Variants in NEGR1 observed in about 807,000 individuals in gnomAD.
NEGR1 encodes IgLON family member 4.
Under a neutral mutation model 40.9 loss-of-function variants are expected in NEGR1, and 10 were observed. The ratio of observed to expected loss-of-function variants is 0.24; its 90% confidence interval spans 0.15 to 0.42. The LOEUF (loss-of-function observed/expected upper bound fraction) is 0.42. NEGR1 is among the 10% of genes least tolerant of loss of function. NEGR1 has a pLI of 1.00. For synonymous variants in NEGR1, 185 were observed against 166.8 expected (o/e 1.11, Z -0.84); for missense variants, 352 against 438.9 (o/e 0.80, Z 1.77).
chr1:72,189,686 T>C (rs2298151), intron 1 of NEGR1, among the ~76,000 whole-genome samples: 31,344 of 151,410 alleles, frequency 0.21, 3,761 homozygotes, highest in South Asian at 0.28. Context: ...CATAAGAAGA[T>C]AGAGGTTAAG....
Position 71,884,755 on chromosome 1 carries a change from C to CA in NEGR1, c.409+50323dup, listed in dbSNP as rs1467731587. ...AGTTTAATGATTCTTCAGAATGAGA[C>CA]AAAAAAACCTATCAACAGGCAATTG... On this transcript the variant is annotated intron_variant, in intron 2 of 6. Transcript: ENST00000357731. Among the ~76,000 whole-genome samples, 7 of 152,186 alleles carry CA rather than the reference C, an allele frequency of 4.6e-5. 1 individual carries two copies. The highest frequency in any genetic ancestry group is 4.2e-4 in the South Asian group (2 of 4,812).
intron 5 of NEGR1, among the ~76,000 whole-genome samples, chr1:71,597,472 C>CTCTCTGTGTG (rs756076229): frequency 1.4e-3 from 44 of 31,330 alleles, no homozygotes; most frequent in African/African-American, 4.0e-3. Context: ...CTCTCTCTCT[C>CTCTCTGTGTG]TGTGTGTGTG....
At chr1:71,433,348 T>G (rs1426441952) in intron 6 of NEGR1, among the ~76,000 whole-genome samples, 1 of 152,206 alleles carries the variant, frequency 6.6e-6, no homozygotes, top group Admixed American at 6.5e-5. Context: ...TAGGGCATTG[T>G]TTTTAAGGAA....
chr1:71,694,716 A>T (rs1003451200), intron 4 of NEGR1, among the ~76,000 whole-genome samples: 1 of 151,822 alleles, frequency 6.6e-6, no homozygotes, highest in African/African-American at 2.4e-5. Flanking sequence ...TCTAAATTTC[A>T]GGGAACCTAA....
rs1646239005 is a variant in NEGR1 at position 71,400,410 on chromosome 1, C to T, written c.*7036G>A. ...TCTTACTGTTTTTGATATAAAATTC[C>T]TGTTATACCATGAATTAAATGCCCC... On this transcript the variant is annotated 3_prime_UTR_variant, in exon 7 of 7. Transcript: ENST00000357731. 2.6e-5 allele frequency: 4 copies of T among 151,582 alleles called. No homozygotes were observed. Among genetic ancestry groups the T allele is most frequent in the Admixed American group, 2.6e-4 (4 of 15,230 alleles). 9.4% of individuals were successfully genotyped at this position (151,582 alleles called of 1,614,324 possible).
chr1:71,775,638 G>A (rs1179500920), intron 3 of NEGR1, among the ~76,000 whole-genome samples: 5 of 151,524 alleles, frequency 3.3e-5, no homozygotes, highest in Non-Finnish European at 7.4e-5. Context: ...GAGCCACTGC[G>A]CCCAGCCCAT....
At chr1:71,692,692 A>G (rs557416817) in intron 4 of NEGR1, among the ~76,000 whole-genome samples, 2 of 151,808 alleles carry the variant, frequency 1.3e-5, no homozygotes, top group African/African-American at 2.4e-5. Context: ...ACTAAGTTAT[A>G]CTAATTGGAA....
intron 6 of NEGR1, among the ~76,000 whole-genome samples, chr1:71,541,247 C>G (rs1647695416): frequency 6.6e-6 from 1 of 151,530 alleles, no homozygotes; most frequent in Admixed American, 6.6e-5. Flanking sequence ...GATGAGAGAT[C>G]TAGCACAGTG....
At chr1:71,989,464 C>T (rs552893197) in intron 1 of NEGR1, among the ~76,000 whole-genome samples, 1 of 152,248 alleles carries the variant, frequency 6.6e-6, no homozygotes, top group East Asian at 1.9e-4. Context: ...TCTGATCAAT[C>T]CAGCAACTGC....
intron 1 of NEGR1, among the ~76,000 whole-genome samples, chr1:72,247,763 T>G (rs902200870): frequency 6.6e-6 from 1 of 152,200 alleles, no homozygotes; most frequent in African/African-American, 2.4e-5. Context: ...CTTTACATTA[T>G]TGTCCCACCT....
At chr1:71,887,992 GAC>G (rs57794150) in intron 2 of NEGR1, among the ~76,000 whole-genome samples, 51,349 of 137,780 alleles carry the variant, frequency 0.37, 9,476 homozygotes, top group South Asian at 0.48. Context: ...CTTTTGAAAG[GAC>G]ACACACACAC....
chr1:72,228,855 A>G (rs1029485917), intron 1 of NEGR1, among the ~76,000 whole-genome samples: 27 of 152,156 alleles, frequency 1.8e-4, no homozygotes, highest in African/African-American at 4.6e-4. Context: ...GAGGGAGGTC[A>G]GAATTAGAGC....
At chr1:72,221,504 A>T (rs1187877544) in intron 1 of NEGR1, among the ~76,000 whole-genome samples, 1 of 152,168 alleles carries the variant, frequency 6.6e-6, no homozygotes, top group African/African-American at 2.4e-5. Flanking sequence ...AAATCACAGA[A>T]TTTTAGAAAT....
intron 2 of NEGR1, among the ~76,000 whole-genome samples, chr1:71,834,695 G>T (rs2101795158): frequency 6.6e-6 from 1 of 152,140 alleles, no homozygotes; most frequent in East Asian, 1.9e-4. Flanking sequence ...CTTCTCAAGA[G>T]AATCGTGACC....
chr1:71,758,417 A>C (rs548618671), intron 3 of NEGR1, among the ~76,000 whole-genome samples: 1 of 152,224 alleles, frequency 6.6e-6, no homozygotes, highest in Admixed American at 6.5e-5. Flanking sequence ...GTAATTGCTT[A>C]AAACATGTAG....
chr1:71,699,822 T>G (rs1653622034), intron 3 of NEGR1, among the ~76,000 whole-genome samples: 1 of 151,986 alleles, frequency 6.6e-6, no homozygotes, highest in South Asian at 2.1e-4. Context: ...TGGGGGCTGG[T>G]CTTTCCATGC....
chr1:72,023,447 TA>T (rs1646778485), intron 1 of NEGR1, among the ~76,000 whole-genome samples: 1 of 151,992 alleles, frequency 6.6e-6, no homozygotes, highest in Non-Finnish European at 1.5e-5. Flanking sequence ...AGGGGAATTT[TA>T]AAAAGGCTTA....
chr1:72,180,178 G>A (rs1276611621), intron 1 of NEGR1, among the ~76,000 whole-genome samples: 1 of 151,900 alleles, frequency 6.6e-6, no homozygotes, highest in African/African-American at 2.4e-5. Context: ...GCACAAAATA[G>A]AAACAGTCCA....
chr1:72,036,316 C>A (rs1307993394), intron 1 of NEGR1, among the ~76,000 whole-genome samples: 2 of 151,984 alleles, frequency 1.3e-5, no homozygotes, highest in African/African-American at 4.8e-5. Context: ...GTAAAGCCCT[C>A]CTAGGCTATA....
Sources: gnomAD v4.1 joint callset for allele counts (sites outside exome capture counted in the v4.1 genomes callset) on GRCh38, gnomAD v4.1.1 for gene constraint, MANE v1.5 for transcripts, NCBI Gene and HGNC (gene_info 2026-07-23, HGNC 2026-07-21) for gene names.